Variants in MROH7 observed in about 807,000 individuals in gnomAD.
The protein encoded by MROH7 is maestro heat-like repeat-containing protein family member 7.
Under a neutral mutation model 129.2 loss-of-function variants are expected in MROH7, and 113 were observed. The ratio of observed to expected loss-of-function variants is 0.87; its 90% confidence interval spans 0.75 to 1.02. The LOEUF is 1.02. Ranked by LOEUF, MROH7 falls within the 50% of genes least tolerant of loss-of-function variation. The pLI is 0.00. For synonymous variants in MROH7, 655 were observed against 667.9 expected (o/e 0.98, Z 0.30); for missense variants, 1,601 against 1,671.3 (o/e 0.96, Z 0.73).
intron 2 of MROH7, 128 bp from the exon 3 acceptor site, chr1:54,652,725 G>T (rs1210971244): frequency 3.4e-6 from 2 of 590,236 alleles, no homozygotes; most frequent in Non-Finnish European, 5.6e-6. Flanking sequence ...GGCTGGAAAG[G>T]TGGGCTGGGC....
chr1:54,660,594 A>C (rs1279035492), intron 3 of MROH7, among the ~76,000 whole-genome samples: 1 of 152,214 alleles, frequency 6.6e-6, no homozygotes, highest in African/African-American at 2.4e-5. Flanking sequence ...CAGGCGGATC[A>C]CCTGAGGTCA....
In MROH7 at chr1:54,671,239, GA is replaced by G. The variant is rs200209306; in HGVS notation, c.1599+320del. On this transcript the variant is annotated intron_variant, in intron 7 of 23. Transcript: ENST00000421030. The stretch of plus-strand genomic sequence containing the variant: ...CGTCTCTACTGAAAATACAAAAAAA[GA>G]AAAAAAAAACTTAGCCGGGCGTGGC... Among the ~76,000 whole-genome samples the G allele has an allele frequency of 5.7e-3, 805 of 141,846 alleles. 3 individuals carry two copies. Among genetic ancestry groups the G allele is most frequent in the African/African-American group, 0.021 (735 of 35,584 alleles). 93.1% of individuals were successfully genotyped at this position (141,846 alleles called of 152,430 possible).
chr1:54,665,971 C>T lies in MROH7; in HGVS notation c.1305+731C>T, dbSNP rs534119406. Among the ~76,000 whole-genome samples the T allele has an allele frequency of 1.2e-4, 19 of 152,348 alleles. No homozygotes were observed. In the South Asian group the frequency reaches 3.9e-3, roughly 32 times the overall value. ...GCATTTATCCTCATCCCATGGCGTCCTTCTAGTTGTCCACTGTGTTCCTGC... is the reference window on the plus strand; with the variant it reads ...GCATTTATCCTCATCCCATGGCGTCTTTCTAGTTGTCCACTGTGTTCCTGC... On this transcript the variant is annotated intron_variant, in intron 4 of 23. Coordinates refer to ENST00000421030, the MANE Select transcript of MROH7 (RefSeq NM_001039464.4).
In MROH7 at chr1:54,682,739, G is replaced by A; in HGVS notation, c.2465G>A (p.Ser822Asn). 6.2e-7 allele frequency: 1 copy of A among 1,614,076 alleles called. No individual in the cohort carries two copies. Among genetic ancestry groups the A allele is most frequent in the Non-Finnish European group, 8.5e-7 (1 of 1,180,018 alleles). ...VRDLLDLLLG[S>N]LKEKPVTKEG... ...GACCTCCTGGATCTGCTCCTGGGCA[G>A]CCTGAAGGAGAAGCCCGTCACCAAG... Residue 822 changes from serine (S) to asparagine (N), a missense_variant, in exon 14 of 24, where the codon AGC (serine) becomes AAC (asparagine). Ser to Asn is a conservative substitution (Grantham distance 46). Transcript: ENST00000421030.
intron 15 of MROH7, among the ~76,000 whole-genome samples, chr1:54,688,215 G>A (rs1421837015): frequency 2.8e-5 from 4 of 144,540 alleles, no homozygotes; most frequent in African/African-American, 7.8e-5. Flanking sequence ...GCGAGACTCC[G>A]TCTCAAAAAA....
chr1:54,677,191 G>A (rs1221666843), intron 10 of MROH7, among the ~76,000 whole-genome samples: 1 of 152,072 alleles, frequency 6.6e-6, no homozygotes, highest in Non-Finnish European at 1.5e-5. Context: ...CTGAGGTCCG[G>A]AGTTCAAGAC....
intron 3 of MROH7, chr1:54,663,859 T>C: frequency 2.3e-6 from 1 of 436,472 alleles, no homozygotes. Flanking sequence ...ATTTAGAAGC[T>C]AAGATCTTGG....
At chr1:54,672,653 G>T (rs1447266216) in intron 7 of MROH7, among the ~76,000 whole-genome samples, 1 of 152,180 alleles carries the variant, frequency 6.6e-6, no homozygotes, top group Non-Finnish European at 1.5e-5. Flanking sequence ...TCCAGCTCTT[G>T]CGGTTCCAGA....
At chr1:54,677,067 C>T (rs1644993324) in intron 10 of MROH7, among the ~76,000 whole-genome samples, 1 of 151,962 alleles carries the variant, frequency 6.6e-6, no homozygotes, top group Non-Finnish European at 1.5e-5. Flanking sequence ...TCTGGAACTC[C>T]TGGGCGCAAG....
chr1:54,646,125 C>T (rs1284511939), intron 1 of MROH7, among the ~76,000 whole-genome samples: 1 of 152,164 alleles, frequency 6.6e-6, no homozygotes, highest in Non-Finnish European at 1.5e-5. Context: ...AGGCATTTCC[C>T]TGGGCCACTT....
chr1:54,643,775 TTA>T (rs1644422171), intron 1 of MROH7, among the ~76,000 whole-genome samples: 2 of 152,226 alleles, frequency 1.3e-5, no homozygotes, highest in African/African-American at 4.8e-5. Context: ...GCATGCATTT[TTA>T]TTTCATCTGA....
intron 10 of MROH7, 21 bp from the exon 11 acceptor site, chr1:54,678,721 G>A (rs1317019362): frequency 1.9e-6 from 3 of 1,566,488 alleles, no homozygotes; most frequent in Non-Finnish European, 2.6e-6. Flanking sequence ...CGGCCTCACT[G>A]AGAAGGTTCT....
chr1:54,700,242 T>C (rs1328998063), intron 17 of MROH7, 79 bp from the exon 18 acceptor site: 1 of 1,581,384 alleles, frequency 6.3e-7, no homozygotes, highest in Non-Finnish European at 8.7e-7. Flanking sequence ...GTATCCAATG[T>C]GCAATCCCAG....
chr1:54,700,751 C>G (rs913626377), intron 18 of MROH7, among the ~76,000 whole-genome samples: 1 of 152,214 alleles, frequency 6.6e-6, no homozygotes, highest in African/African-American at 2.4e-5. Flanking sequence ...AAACAGAGCC[C>G]AGATTGTTGC....
intron 16 of MROH7, among the ~76,000 whole-genome samples, chr1:54,693,399 G>A (rs12128440): frequency 0.01 from 1,537 of 152,234 alleles, 30 homozygotes; most frequent in East Asian, 0.057. Context: ...GCTGTGAGCC[G>A]AGATGGCACC....
chr1:54,691,691 A>G (rs1179072839), intron 15 of MROH7, among the ~76,000 whole-genome samples: 1 of 151,852 alleles, frequency 6.6e-6, no homozygotes, highest in African/African-American at 2.4e-5. Context: ...CTGTAATCCC[A>G]GCTACTCGGG....
intron 13 of MROH7, among the ~76,000 whole-genome samples, chr1:54,680,595 C>T (rs1033814474): frequency 6.6e-6 from 1 of 152,178 alleles, no homozygotes; most frequent in Non-Finnish European, 1.5e-5. Flanking sequence ...GAAGGGTGCT[C>T]CAAGCTCACT....
intron 2 of MROH7, among the ~76,000 whole-genome samples, chr1:54,652,302 G>A (rs1426943726): frequency 6.6e-6 from 1 of 152,134 alleles, no homozygotes; most frequent in African/African-American, 2.4e-5. Context: ...GTGCACTTAG[G>A]TTACCCTGTC....
intron 9 of MROH7, 72 bp from the exon 10 acceptor site, chr1:54,673,944 C>T (rs1009770677): frequency 2.2e-5 from 35 of 1,569,976 alleles, no homozygotes; most frequent in Admixed American, 2.2e-4. Context: ...GACTATCCAC[C>T]GGTGTTCACC....
Sources: gnomAD v4.1 joint callset for allele counts (sites outside exome capture counted in the v4.1 genomes callset) on GRCh38, gnomAD v4.1.1 for gene constraint, MANE v1.5 for transcripts, NCBI Gene and HGNC (gene_info 2026-07-23, HGNC 2026-07-21) for gene names.